OR3A3: variants seen among roughly 807,000 people sequenced by gnomAD.
OR3A3 encodes the protein olfactory receptor family 3 subfamily A member 3.
For synonymous variants in OR3A3, 103 were observed against 163.9 expected, an observed-to-expected ratio of 0.63 and a Z score of 2.84; for missense variants, 275 against 391.4, an observed-to-expected ratio of 0.70 and a Z score of 2.51.
chr17:3,414,913 AT>A (rs67309390), intron 2 of OR3A3, among the ~76,000 whole-genome samples: 9,854 of 109,982 alleles, frequency 0.09, 725 homozygotes, highest in East Asian at 0.25. Flanking sequence ...CATTAAAAAA[AT>A]AATATAGGTA....
At chr17:3,412,862 C>T (rs1597374843) in intron 2 of OR3A3, among the ~76,000 whole-genome samples, 1 of 152,172 alleles carries the variant, frequency 6.6e-6, no homozygotes, top group Non-Finnish European at 1.5e-5. Flanking sequence ...ACCTTGCACC[C>T]TGCATTTAAC....
chr17:3,417,827 T>C (rs985658235), intron 2 of OR3A3, among the ~76,000 whole-genome samples: 1 of 152,246 alleles, frequency 6.6e-6, no homozygotes, highest in African/African-American at 2.4e-5. Flanking sequence ...AAAGGATTCA[T>C]TATTTTTTAA....
chr17:3,414,799 A>G (rs565512176), intron 2 of OR3A3, among the ~76,000 whole-genome samples: 67 of 152,348 alleles, frequency 4.4e-4, no homozygotes, highest in African/African-American at 1.5e-3. Context: ...TTCTGTGGAT[A>G]GCAACTACCG....
chr17:3,421,273 C>A (rs1460334556), exon 3 of OR3A3: 1 of 1,614,094 alleles, frequency 6.2e-7, no homozygotes, highest in Admixed American at 1.7e-5. Flanking sequence ...TGCTGTGCTG[C>A]AAATCCGCTC....
chr17:3,424,034 G>A (rs2072455076), exon 3 of OR3A3: 1 of 150,732 alleles, frequency 6.6e-6, no homozygotes, highest in Non-Finnish European at 1.5e-5. Context: ...CACATCTGTA[G>A]AAACATACTG....
chr17:3,421,562 G>T (rs772398815), exon 3 of OR3A3: 1 of 1,514,722 alleles, frequency 6.6e-7, no homozygotes, highest in East Asian at 2.3e-5. Flanking sequence ...GCCTTTTCTG[G>T]ACCGAGGAAA....
At chr17:3,423,485 G>A (rs1474706356) in exon 3 of OR3A3, 1 of 152,148 alleles carries the variant, frequency 6.6e-6, no homozygotes, top group Non-Finnish European at 1.5e-5. Context: ...TTCTCTCTTT[G>A]TGCTCTCAAA....
chr17:3,413,888 C>T (rs1031704478), intron 2 of OR3A3, among the ~76,000 whole-genome samples: 4 of 151,862 alleles, frequency 2.6e-5, no homozygotes, highest in Non-Finnish European at 5.9e-5. Flanking sequence ...TTACCGCATC[C>T]ACATTCTCAT....
chr17:3,421,579 C>T (rs765463734), exon 3 of OR3A3: 18 of 1,513,086 alleles, frequency 1.2e-5, no homozygotes, highest in Admixed American at 2.3e-5. Context: ...GAAAATTTCC[C>T]GAGAAGATAG....
chr17:3,421,382 G>T lies in OR3A3; in HGVS notation c.797G>T (p.Gly266Val), dbSNP rs751409820. 1.9e-6 allele frequency: 3 copies of T among 1,614,182 alleles called. No individual in the cohort carries two copies. In the Admixed American group the frequency reaches 5.0e-5, roughly 27 times the overall value. The change falls in exon 3 of 3, where the codon GGT becomes GTT. Residue 266 changes from glycine to valine, a missense_variant. Coordinates refer to ENST00000641141, the Ensembl canonical transcript of OR3A3. ...GGTGTCTTCAGCTACATGAGGCTGGGTTCAGTGGAATCTTCAGACAAGGAT... is the reference window on the plus strand; with the variant it reads ...GGTGTCTTCAGCTACATGAGGCTGGTTTCAGTGGAATCTTCAGACAAGGAT...
At chr17:3,420,552 C>T (rs1307266675) in intron 2 of OR3A3, 28 bp from the exon 3 acceptor site, 9 of 1,567,278 alleles carry the variant, frequency 5.7e-6, no homozygotes, top group Non-Finnish European at 7.8e-6. Flanking sequence ...TGAACTGATA[C>T]CTCCCCTGCT....
exon 3 of OR3A3, chr17:3,421,483 G>A (rs764197605): frequency 3.8e-6 from 6 of 1,560,298 alleles, no homozygotes; most frequent in Non-Finnish European, 5.2e-6. Flanking sequence ...AAATACTGAT[G>A]TTCAGGGCGC....
At chr17:3,415,946 G>T (rs2072388946) in intron 2 of OR3A3, among the ~76,000 whole-genome samples, 1 of 151,388 alleles carries the variant, frequency 6.6e-6, no homozygotes, top group Non-Finnish European at 1.5e-5. Context: ...CAAGTAGCTG[G>T]GATTACAGGC....
At chr17:3,415,594 C>T (rs1379823903) in intron 2 of OR3A3, among the ~76,000 whole-genome samples, 1 of 148,882 alleles carries the variant, frequency 6.7e-6, no homozygotes, top group Non-Finnish European at 1.5e-5. Flanking sequence ...AAACCAACAA[C>T]TGTTTTATTG....
intron 2 of OR3A3, among the ~76,000 whole-genome samples, chr17:3,418,824 G>A (rs889623273): frequency 6.6e-6 from 1 of 152,130 alleles, no homozygotes; most frequent in Non-Finnish European, 1.5e-5. Context: ...AGCCCTACTT[G>A]TCTCTAGTCA....
intron 2 of OR3A3, among the ~76,000 whole-genome samples, chr17:3,414,391 C>T (rs1160067543): frequency 6.6e-6 from 1 of 152,074 alleles, no homozygotes; most frequent in African/African-American, 2.4e-5. Flanking sequence ...TGAAGCTCCA[C>T]ATATTTCTAC....
At chr17:3,414,953 A>C (rs1269493038) in intron 2 of OR3A3, among the ~76,000 whole-genome samples, 1 of 152,190 alleles carries the variant, frequency 6.6e-6, no homozygotes, top group Non-Finnish European at 1.5e-5. Context: ...TCTCCAATGA[A>C]AAACACTAAA....
chr17:3,412,321 GT>G (rs2150679372), intron 2 of OR3A3, 150 bp downstream of exon 2: 2 of 149,006 alleles, frequency 1.3e-5, no homozygotes, highest in South Asian at 4.4e-4. Flanking sequence ...GAGGTCCTGG[GT>G]TCTTTTGTGG....
exon 3 of OR3A3, chr17:3,424,049 G>A (rs2072455189): frequency 6.6e-6 from 1 of 150,582 alleles, no homozygotes; most frequent in Non-Finnish European, 1.5e-5. Flanking sequence ...ATACTGTTCT[G>A]TGATCTGCTT....
Sources: allele counts gnomAD v4.1 joint callset (sites outside exome capture counted in the v4.1 genomes callset), GRCh38; gene constraint gnomAD v4.1.1; transcripts MANE v1.5; gene names NCBI Gene and HGNC (gene_info 2026-07-23, HGNC 2026-07-21).